Variants in PYGB observed in about 807,000 individuals in gnomAD.
PYGB encodes glycogen phosphorylase B.
In PYGB, 82 loss-of-function variants were observed where a neutral mutation model predicts 94.3. That is an observed-to-expected ratio of 0.87 (90% CI 0.73 to 1.04). The LOEUF (loss-of-function observed/expected upper bound fraction) is 1.04, where lower values mean the gene tolerates loss of function less well. Among genes scored for constraint, PYGB ranks in the 50% least tolerant of loss-of-function variants. The pLI is 0.00. For missense variants in PYGB, 1,132 were observed against 1,158.2 expected (o/e 0.98, Z 0.33); for synonymous variants, 488 against 479.1 (o/e 1.02, Z -0.24).
intron 6 of PYGB, among the ~76,000 whole-genome samples, chr20:25,276,968 C>A (rs2088318066): frequency 6.6e-6 from 1 of 152,010 alleles, no homozygotes; most frequent in Non-Finnish European, 1.5e-5. Context: ...GGCAGAGCGA[C>A]CAAGACACCT....
intron 19 of PYGB, among the ~76,000 whole-genome samples, chr20:25,296,081 T>TA (rs2088538693): frequency 1.3e-5 from 2 of 152,282 alleles, no homozygotes; most frequent in East Asian, 3.9e-4. Context: ...GGGCAGTTCT[T>TA]ACCTGGTGCT....
At chr20:25,278,943 C>CG in intron 8 of PYGB, 114 bp from the exon 9 acceptor site, 1 of 831,746 alleles carries the variant, frequency 1.2e-6, no homozygotes, top group Non-Finnish European at 1.8e-6. Context: ...CCAGGCTTCT[C>CG]GGGGGTGGGG....
At position 25,248,088 on chromosome 20, in the gene PYGB, G is replaced by A; in HGVS notation, c.-91G>A. 5.3e-6 allele frequency: 7 copies of A among 1,321,576 alleles called. No individual in the cohort carries two copies. The highest frequency in any genetic ancestry group is 5.8e-6 in the Non-Finnish European group (6 of 1,031,914). 81.9% of individuals were successfully genotyped at this position (1,321,576 alleles called of 1,614,324 possible). Reference sequence around the variant, plus strand: ...CAGAGCCGCAGTGCCGGGCGCCAGAGCAGCGGCGCCAGAGCAGCTGCACCA... The same window carrying A: ...CAGAGCCGCAGTGCCGGGCGCCAGAACAGCGGCGCCAGAGCAGCTGCACCA... On this transcript the variant is annotated 5_prime_UTR_variant, in exon 1 of 20. Transcript: ENST00000216962.
chr20:25,297,964 G>A lies in PYGB; in HGVS notation c.*1442G>A, dbSNP rs7020. The A allele has an allele frequency of 0.43, 64,945 of 152,136 alleles. 14,661 individuals carry two copies. The highest frequency in any genetic ancestry group is 0.92 in the East Asian group (4,745 of 5,170). 9.4% of individuals were successfully genotyped at this position (152,136 alleles called of 1,614,324 possible). Reference sequence around the variant, plus strand: ...CACCACTGTGCCCCTCATTGTTACTGCCTTGTGAGATAAAAACTGATTAAA... The same window carrying A: ...CACCACTGTGCCCCTCATTGTTACTACCTTGTGAGATAAAAACTGATTAAA... On this transcript the variant is annotated 3_prime_UTR_variant, in exon 20 of 20. Transcript: ENST00000216962.
At chr20:25,263,066 A>C (rs2092917254) in intron 2 of PYGB, among the ~76,000 whole-genome samples, 1 of 152,178 alleles carries the variant, frequency 6.6e-6, no homozygotes, top group Non-Finnish European at 1.5e-5. Flanking sequence ...ACGAGACAGA[A>C]AGTTAACAAG....
At position 25,283,271 on chromosome 20, in the gene PYGB, C is replaced by T. The variant is rs918568378; in HGVS notation, c.1614C>T (p.Val538=). 6 of 1,612,996 alleles carry T rather than the reference C, an allele frequency of 3.7e-6. No individual in the cohort carries two copies. The highest frequency in any genetic ancestry group is 1.3e-5 in the African/African-American group (1 of 74,916). Residue 538 remains valine, a synonymous_variant, in exon 13 of 20, where the codon GTC becomes GTT. Transcript: ENST00000216962. ...DEVFIRDVAK[V]KQENKLKFSA... is the part of the protein sequence containing the mutation. Reference sequence around the variant, plus strand: ...TGTTCATCAGGGACGTGGCCAAGGTCAAACAGGTAGGCATGGCCCTGGCCC... The same window carrying T: ...TGTTCATCAGGGACGTGGCCAAGGTTAAACAGGTAGGCATGGCCCTGGCCC...
intron 5 of PYGB, 29 bp downstream of exon 5, chr20:25,274,752 G>A: frequency 6.2e-7 from 1 of 1,605,092 alleles, no homozygotes. Context: ...CTGCGGGCAA[G>A]GCTGGAGCCA....
Position 25,248,307 on chromosome 20 carries a change from C to A in PYGB, c.129C>A (p.Asp43Glu). ...NRHLHFTLVK[D>E]RNVATPRDYF... The stretch of plus-strand genomic sequence containing the variant: ...ACTTGCACTTCACGCTGGTCAAGGA[C>A]CGCAATGTGGCCACGCCCCGCGACT... The change falls in exon 1 of 20, where the codon GAC becomes GAA. Residue 43 changes from aspartate to glutamate, a missense_variant. Coordinates refer to ENST00000216962, the MANE Select transcript of PYGB (RefSeq NM_002862.4). 2 of 1,605,070 alleles carry A rather than the reference C, an allele frequency of 1.2e-6. No individual in the cohort carries two copies. The highest frequency in any genetic ancestry group is 1.7e-6 in the Non-Finnish European group (2 of 1,176,288).
At chr20:25,293,511 G>A (rs1247829725) in intron 17 of PYGB, among the ~76,000 whole-genome samples, 1 of 152,228 alleles carries the variant, frequency 6.6e-6, no homozygotes, top group African/African-American at 2.4e-5. Context: ...TTGCCTTGAA[G>A]CACTGGGGAG....
intron 5 of PYGB, among the ~76,000 whole-genome samples, chr20:25,275,954 T>C (rs1238335127): frequency 6.6e-6 from 1 of 152,324 alleles, no homozygotes; most frequent in South Asian, 2.1e-4. Context: ...TGTGCCGGGA[T>C]GAACCCAAGC....
chr20:25,279,206 G>C, intron 9 of PYGB, 57 bp downstream of exon 9: 1 of 1,549,312 alleles, frequency 6.5e-7, no homozygotes, highest in East Asian at 2.3e-5. Context: ...GTGCAGACCA[G>C]GGCTACAAGG....
intron 4 of PYGB, 129 bp from the exon 5 acceptor site, chr20:25,274,463 A>T: frequency 1.6e-6 from 2 of 1,289,846 alleles, no homozygotes; most frequent in Non-Finnish European, 1.0e-6. Context: ...CCGACCTGGT[A>T]AGTGGCTGTA....
chr20:25,295,929 C>T (rs1718180698), intron 19 of PYGB, among the ~76,000 whole-genome samples: 1 of 152,316 alleles, frequency 6.6e-6, no homozygotes, highest in Non-Finnish European at 1.5e-5. Flanking sequence ...CGGGCAGGGC[C>T]CTGGGAGGGA....
rs1452054257 is a variant in PYGB, at chr20:25,294,237, C to T, written c.2257C>T (p.Pro753Ser). ...CCAGATCAGCAGTGGCTTTTTTTCT[C>T]CCAAGGAGCCAGACTGCTTCAAGGA... is the stretch of plus-strand genomic sequence containing the variant. ...VDQISSGFFSPKEPDCFKDIV... is the reference protein window; with the variant it reads ...VDQISSGFFSSKEPDCFKDIV... The change falls in exon 18 of 20, where the codon CCC becomes TCC. Residue 753 changes from proline (P) to serine (S), a missense_variant. Transcript: ENST00000216962. The T allele has an allele frequency of 2.5e-6, 4 of 1,613,280 alleles. No individual in the cohort carries two copies. Among genetic ancestry groups the T allele is most frequent in the Middle Eastern group, 1.6e-4 (1 of 6,082 alleles).
intron 15 of PYGB, chr20:25,290,064 C>T (rs2088452017): frequency 7.0e-6 from 3 of 430,896 alleles, no homozygotes; most frequent in South Asian, 5.3e-5. Context: ...GTTTTCCCCA[C>T]AGTCTGTCTG....
chr20:25,281,726 C>T (rs531736036), intron 11 of PYGB, among the ~76,000 whole-genome samples: 16 of 152,274 alleles, frequency 1.1e-4, no homozygotes, highest in Non-Finnish European at 1.5e-4. Context: ...CCTGCGGTCT[C>T]GGCTGTCATG....
chr20:25,274,457 C>T, intron 4 of PYGB, 135 bp from the exon 5 acceptor site: 1 of 1,262,116 alleles, frequency 7.9e-7, no homozygotes, highest in Non-Finnish European at 1.1e-6. Context: ...GGAATCCCGA[C>T]CTGGTAAGTG....
intron 7 of PYGB, 74 bp downstream of exon 7, chr20:25,277,400 G>C: frequency 6.9e-7 from 1 of 1,439,134 alleles, no homozygotes; most frequent in Non-Finnish European, 9.7e-7. Context: ...TGGCTGGCCG[G>C]GCTCCCCAGT....
At chr20:25,264,702 A>G (rs1209356888) in intron 2 of PYGB, among the ~76,000 whole-genome samples, 2 of 152,246 alleles carry the variant, frequency 1.3e-5, no homozygotes, top group African/African-American at 4.8e-5. Flanking sequence ...TAAAATACCT[A>G]GGAATCCAAC....
Sources: gnomAD v4.1 joint callset for allele counts (sites outside exome capture counted in the v4.1 genomes callset) on GRCh38, gnomAD v4.1.1 for gene constraint, MANE v1.5 for transcripts, NCBI Gene and HGNC (gene_info 2026-07-23, HGNC 2026-07-21) for gene names.